Variants in CPAMD8 observed in about 807,000 individuals in gnomAD.
The protein encoded by CPAMD8 is C3 and PZP like alpha-2-macroglobulin domain containing 8, also known as C3 and PZP-like alpha-2-macroglobulin domain-containing protein 8.
CPAMD8 carries 146 observed loss-of-function variants against 224.7 expected under a neutral mutation model. The observed-to-expected ratio is 0.65, with a 90% confidence interval of 0.57 to 0.75. The LOEUF (loss-of-function observed/expected upper bound fraction) is 0.75. CPAMD8 is among the 30% of genes least tolerant of loss of function. The pLI is 0.00. For synonymous variants in CPAMD8, 966 were observed against 1,044.6 expected, an observed-to-expected ratio of 0.92 and a Z score of 1.45; for missense variants, 2,301 against 2,537.5, an observed-to-expected ratio of 0.91 and a Z score of 2.00.
Position 16,928,230 on chromosome 19 carries a change from C to T in CPAMD8, c.3149G>A (p.Gly1050Asp), listed in dbSNP as rs781720709. 12 of 1,608,892 alleles carry T rather than the reference C, an allele frequency of 7.5e-6. No individual in the cohort carries two copies. The highest frequency in any genetic ancestry group is 2.2e-5 in the East Asian group (1 of 44,780). The change falls in exon 25 of 42, where the codon GGC (glycine) becomes GAC (aspartate). Residue 1050 changes from glycine to aspartate, a missense_variant. Physicochemically the swap from Gly to Asp is moderately conservative, Grantham distance 94. This residue lies in a region of CPAMD8 where 1,709 missense variants were observed against 1,753.2 expected (regional missense o/e 0.97). Transcript: ENST00000443236. ...ISWRGGLIQV[G>D]HGPEPSNESV... ...CTCATTGGATGGCTCTGGACCATGG[C>T]CAACCTGGAAAAAGAAACCAAGGCT...
At chr19:17,016,885 G>C (rs1390069024) in intron 3 of CPAMD8, among the ~76,000 whole-genome samples, 1 of 151,900 alleles carries the variant, frequency 6.6e-6, no homozygotes, top group East Asian at 1.9e-4. Flanking sequence ...GGAGTTCTAG[G>C]GTCTTTTTTT....
intron 30 of CPAMD8, among the ~76,000 whole-genome samples, chr19:16,906,388 TTCTTTCTTTC>T (rs1247165852): frequency 1.2e-5 from 1 of 84,264 alleles, no homozygotes; most frequent in East Asian, 2.9e-4. Context: ...CTTTCTTTCT[TTCTTTCTTTC>T]TTTCTTTCTT....
chr19:17,008,533 C>T lies in CPAMD8; in HGVS notation c.531G>A (p.Glu177=). 6.2e-7 allele frequency: 1 copy of T among 1,613,710 alleles called. No homozygotes were observed. The highest frequency in any genetic ancestry group is 8.5e-7 in the Non-Finnish European group (1 of 1,180,044). Residue 177 remains glutamate (E), a synonymous_variant, in exon 7 of 42, where the codon GAG becomes GAA. Coordinates refer to ENST00000443236, the MANE Select transcript of CPAMD8 (RefSeq NM_015692.5). ...AGCAGAACGGCTTTAAGTGTCTCCACTCTATCATCCGAGAGCCTCGGGGGT... is the reference window on the plus strand; with the variant it reads ...AGCAGAACGGCTTTAAGTGTCTCCATTCTATCATCCGAGAGCCTCGGGGGT... ...ILDPRGSRMI[E]WRHLKPFCCG... is the part of the protein sequence containing the mutation.
Position 16,896,492 on chromosome 19 carries a change from G to A in CPAMD8, c.5239C>T (p.Pro1747Ser). The change falls in exon 40 of 42, where the codon CCC becomes TCC. Residue 1747 changes from proline (P) to serine (S), a missense_variant. This residue lies in a region of CPAMD8 where 1,709 missense variants were observed against 1,753.2 expected (regional missense o/e 0.97). Transcript: ENST00000443236. ...LREAACRQAA[P>S]LEPAPPSCCA... ...CAGCTGGGAGGCGCGGGCTCCAGGG[G>A]CGCGGCCTGGCGGCAGGCGGCCTCC... 1.4e-6 allele frequency: 2 copies of A among 1,431,364 alleles called. No homozygotes were observed. The highest frequency in any genetic ancestry group is 1.8e-6 in the Non-Finnish European group (2 of 1,103,632). The allele number at this position is 1,431,364 out of a possible 1,614,324, so 88.7% of individuals were successfully genotyped here.
chr19:16,944,743 C>T (rs978937388), intron 22 of CPAMD8, among the ~76,000 whole-genome samples: 6 of 77,030 alleles, frequency 7.8e-5, no homozygotes, highest in East Asian at 2.3e-4. Context: ...GTCACCGCTC[C>T]GGAGTTCTGC....
chr19:16,948,592 A>G (rs59995770), intron 20 of CPAMD8, among the ~76,000 whole-genome samples: 70,741 of 151,088 alleles, frequency 0.47, 17,135 homozygotes, highest in African/African-American at 0.59. Context: ...ACTAAAGACC[A>G]GGCGTAGTGC....
In CPAMD8 at chr19:16,901,315, G is replaced by C; in HGVS notation, c.4686-18C>G. The C allele has an allele frequency of 3.2e-6, 5 of 1,547,158 alleles. No individual in the cohort carries two copies. The highest frequency in any genetic ancestry group is 3.6e-6 in the Non-Finnish European group (4 of 1,121,920). On this transcript the variant is annotated intron_variant, in intron 35 of 41. Transcript: ENST00000443236. ...GCAGCCACCTTCCAACAACAGGGGA[G>C]AGAGAGAGGCCCTAGAGCTCAAGCC...
chr19:16,925,211 C>A lies in CPAMD8; in HGVS notation c.3532G>T (p.Asp1178Tyr). The A allele has an allele frequency of 6.2e-7, 1 of 1,614,176 alleles. No homozygotes were observed. The highest frequency in any genetic ancestry group is 8.5e-7 in the Non-Finnish European group (1 of 1,180,018). ...LSPEVERETT[D>Y]YLVQGYQRQL... ...TCCCCAATACCTTGTACTAGGTAGTCGGTGGTCTCTCTCTCCACCTCAGGG... is the reference window on the plus strand; with the variant it reads ...TCCCCAATACCTTGTACTAGGTAGTAGGTGGTCTCTCTCTCCACCTCAGGG... The change falls in exon 26 of 42, where the codon GAC becomes TAC. Residue 1178 changes from aspartate (D) to tyrosine (Y), a missense_variant. Asp to Tyr is a radical substitution (Grantham distance 160). Coordinates refer to ENST00000443236, the MANE Select transcript of CPAMD8 (RefSeq NM_015692.5).
rs1461986437 is a variant in CPAMD8, at chr19:16,925,387, AAG to A, written c.3371-17_3371-16del. On this transcript the variant is annotated splice_polypyrimidine_tract_variant and intron_variant, in intron 25 of 41. Transcript: ENST00000443236. ...CATGACGTCCCCTGGTGGGAAGGAG[AAG>A]AGAGTTGAGTTGGGGGCTGTCCCAG... The A allele has an allele frequency of 7.5e-6, 12 of 1,608,190 alleles. No homozygotes were observed. Among genetic ancestry groups the A allele is most frequent in the Non-Finnish European group, 1.0e-5 (12 of 1,175,196 alleles).
intron 18 of CPAMD8, among the ~76,000 whole-genome samples, chr19:16,965,116 C>T (rs535868352): frequency 2.6e-5 from 4 of 151,994 alleles, no homozygotes; most frequent in African/African-American, 9.6e-5. Context: ...AAAAATTAGC[C>T]GGGCATAGTG....
intron 29 of CPAMD8, among the ~76,000 whole-genome samples, chr19:16,913,311 A>G (rs1464040272): frequency 6.6e-6 from 1 of 152,174 alleles, no homozygotes; most frequent in African/African-American, 2.4e-5. Context: ...TGATGGTATT[A>G]GGAGTTGGGG....
At chr19:16,980,872 G>A (rs1599840011) in intron 13 of CPAMD8, among the ~76,000 whole-genome samples, 186 bp from the exon 14 acceptor site, 2 of 152,046 alleles carry the variant, frequency 1.3e-5, no homozygotes, top group South Asian at 2.1e-4. Flanking sequence ...TTTCACTCTT[G>A]TCACCCAGGC....
intron 13 of CPAMD8, 60 bp downstream of exon 13, chr19:16,989,583 G>C (rs1339006949): frequency 6.3e-7 from 1 of 1,580,458 alleles, no homozygotes; most frequent in African/African-American, 1.4e-5. Context: ...CACAGCACCT[G>C]GCTCATGCTG....
At chr19:16,972,709 C>T (rs1354096574) in intron 17 of CPAMD8, among the ~76,000 whole-genome samples, 2 of 152,200 alleles carry the variant, frequency 1.3e-5, no homozygotes, top group African/African-American at 4.8e-5. Context: ...GCTGGGATTA[C>T]AGGCGTGAGC....
rs1217328343 is a variant in CPAMD8, at chr19:16,902,766, G to A, written c.4568C>T (p.Pro1523Leu). ...QEPEAQGRPP[P>L]MPASAAEGSR... ...ACCCTCAGCTGCGGAGGCAGGCATGGGGGGCGGGCGTCCCTGGGCCTCAGG... is the reference window on the plus strand; with the variant it reads ...ACCCTCAGCTGCGGAGGCAGGCATGAGGGGCGGGCGTCCCTGGGCCTCAGG... The change falls in exon 35 of 42, where the codon CCC becomes CTC. Residue 1523 changes from proline (P) to leucine (L), a missense_variant. Pro to Leu is a moderately conservative substitution (Grantham distance 98, BLOSUM62 -3). Around this residue, in one of 4 missense-constraint regions of CPAMD8, gnomAD observed 1,709 missense variants for 1,753.2 expected, o/e 0.97. Transcript: ENST00000443236. 3.1e-6 allele frequency: 5 copies of A among 1,592,616 alleles called. No individual in the cohort carries two copies. The highest frequency in any genetic ancestry group is 1.7e-5 in the Admixed American group (1 of 58,150).
chr19:17,025,986 C>T (rs984400552), intron 1 of CPAMD8, among the ~76,000 whole-genome samples: 16 of 152,134 alleles, frequency 1.1e-4, no homozygotes, highest in African/African-American at 3.9e-4. Flanking sequence ...GGGCAGCCCC[C>T]CTGAACCCGC....
At chr19:16,972,583 C>T (rs2055102851) in intron 17 of CPAMD8, among the ~76,000 whole-genome samples, 2 of 152,228 alleles carry the variant, frequency 1.3e-5, no homozygotes, top group Admixed American at 6.5e-5. Flanking sequence ...TACTGGCGCC[C>T]GCCACCACGC....
At chr19:16,979,288 T>A (rs200720622) in intron 14 of CPAMD8, among the ~76,000 whole-genome samples, 57 of 57,798 alleles carry the variant, frequency 9.9e-4, no homozygotes, top group African/African-American at 3.3e-3. Flanking sequence ...CCATCCATCC[T>A]TCTGTACCTC....
chr19:17,002,251 G>T lies in CPAMD8; in HGVS notation c.758+15C>A, dbSNP rs1353276297. ...AGGGCCCCCCCAGTGTGCCCCAGGG[G>T]TCCCTCTTTCTCACCTGGCCCGCAC... On this transcript the variant is annotated intron_variant, in intron 9 of 41. Transcript: ENST00000443236. 3.2e-6 allele frequency: 5 copies of T among 1,557,066 alleles called. No homozygotes were observed. Among genetic ancestry groups the T allele is most frequent in the Non-Finnish European group, 4.4e-6 (5 of 1,139,100 alleles).
Sources: allele counts gnomAD v4.1 joint callset (sites outside exome capture counted in the v4.1 genomes callset), GRCh38; gene constraint gnomAD v4.1.1; regional missense constraint gnomAD v4.1.1; transcripts MANE v1.5; gene names NCBI Gene and HGNC (gene_info 2026-07-23, HGNC 2026-07-21).